SETX: variants seen among roughly 807,000 people sequenced by gnomAD.
SETX encodes senataxin.
Under a neutral mutation model 227.2 loss-of-function variants are expected in SETX, and 90 were observed. The ratio of observed to expected loss-of-function variants is 0.40; its 90% CI spans 0.33 to 0.47. SETX has a LOEUF of 0.47. SETX is among the 20% of genes least tolerant of loss of function. SETX has a pLI of 0.91. For missense variants in SETX, 3,052 were observed against 3,181.5 expected (o/e 0.96, Z 0.98); for synonymous variants, 1,210 against 1,113.2 (o/e 1.09, Z -1.73).
At chr9:132,347,417 A>T (rs1028083215) in intron 3 of SETX, among the ~76,000 whole-genome samples, 1 of 151,680 alleles carries the variant, frequency 6.6e-6, no homozygotes, top group Non-Finnish European at 1.5e-5. Context: ...GGTTCAAGCG[A>T]TTCTCCTGCC....
chr9:132,344,019 G>C (rs1848147521), intron 4 of SETX, among the ~76,000 whole-genome samples: 1 of 152,124 alleles, frequency 6.6e-6, no homozygotes, highest in African/African-American at 2.4e-5. Context: ...CACGTGCAGG[G>C]GTTTGGTTCC....
chr9:132,329,972 G>A lies in SETX; in HGVS notation c.1626C>T (p.Leu542=), dbSNP rs746541015. 5.8e-5 allele frequency: 93 copies of A among 1,614,150 alleles called. No homozygotes were observed. Among genetic ancestry groups the A allele is most frequent in the Middle Eastern group, 1.7e-4 (1 of 6,058 alleles). The change falls in exon 10 of 26, where the codon CTC becomes CTT. Residue 542 remains leucine (L), a synonymous_variant. Coordinates refer to ENST00000224140, the MANE Select transcript of SETX (RefSeq NM_015046.7). ...GCCCAAGCTGATAACCTTCTTTAAG[G>A]AGACTTCTAATCAGCTGCACATAAG... The part of the protein sequence containing the change: ...QLAYVQLIRS[L]LKEGYQLGQQ...
Position 132,308,814 on chromosome 9 carries a change from G to A in SETX, c.5374+2943C>T, listed in dbSNP as rs569014523. Among the ~76,000 whole-genome samples, 7 of 152,172 alleles carry A rather than the reference G, an allele frequency of 4.6e-5. No homozygotes were observed. In the South Asian group the frequency reaches 1.5e-3, roughly 32 times the overall value. ...TTTCCTCTAAAATTTATATGGAAAT[G>A]CAAAGGGCCAAGAATAGCCAAAGCA... is the stretch of plus-strand genomic sequence containing the variant. On this transcript the variant is annotated intron_variant, in intron 11 of 25. Coordinates refer to ENST00000224140, the MANE Select transcript of SETX (RefSeq NM_015046.7).
chr9:132,269,111 T>C (rs1842779520), intron 25 of SETX, among the ~76,000 whole-genome samples: 1 of 152,236 alleles, frequency 6.6e-6, no homozygotes, highest in South Asian at 2.1e-4. Flanking sequence ...TCTACTGAAG[T>C]TGGAAACTCG....
chr9:132,309,120 A>G (rs1845499803), intron 11 of SETX, among the ~76,000 whole-genome samples: 1 of 152,228 alleles, frequency 6.6e-6, no homozygotes, highest in Non-Finnish European at 1.5e-5. Context: ...TCTGGGCGAC[A>G]GAGCAAGATT....
At chr9:132,305,417 A>T (rs1056372393) in intron 11 of SETX, among the ~76,000 whole-genome samples, 188 of 151,606 alleles carry the variant, frequency 1.2e-3, no homozygotes, top group East Asian at 2.5e-3. Context: ...TTTAAAAAAA[A>T]TTTTTTTTTA....
chr9:132,331,628 C>A (rs1376673880), intron 7 of SETX, among the ~76,000 whole-genome samples, 180 bp from the exon 8 acceptor site: 1 of 151,644 alleles, frequency 6.6e-6, no homozygotes, highest in Non-Finnish European at 1.5e-5. Context: ...TCAAAAGCAG[C>A]CACATTTTCA....
At chr9:132,301,775 A>G (rs532644582) in intron 11 of SETX, among the ~76,000 whole-genome samples, 16 of 152,336 alleles carry the variant, frequency 1.1e-4, no homozygotes, top group East Asian at 7.7e-4. Context: ...GTGACATGTG[A>G]TTGTACATAC....
Position 132,311,832 on chromosome 9 carries a change from G to C in SETX, c.5299C>G (p.Pro1767Ala). 6.2e-7 allele frequency: 1 copy of C among 1,613,478 alleles called. No homozygotes were observed. The highest frequency in any genetic ancestry group is 1.3e-5 in the African/African-American group (1 of 75,008). The change falls in exon 11 of 26, where the codon CCA becomes GCA. Residue 1767 changes from proline (P) to alanine (A), a missense_variant. This residue lies in a region of SETX where 239 missense variants were observed against 272.1 expected (regional missense o/e 0.88). Coordinates refer to ENST00000224140, the MANE Select transcript of SETX (RefSeq NM_015046.7). ...ETVAQEWLNS[P>A]NRENFYQLQV... ...AACTGATAGAAATTCTCTCTATTTG[G>C]AGAGTTGAGCCATTCTTGTGCCACC...
intron 23 of SETX, 194 bp downstream of exon 23, chr9:132,275,062 T>G: frequency 1.7e-6 from 1 of 593,068 alleles, no homozygotes; most frequent in Non-Finnish European, 3.0e-6. Context: ...ACATTCCAAC[T>G]GCCAGGAAGT....
intron 10 of SETX, among the ~76,000 whole-genome samples, chr9:132,322,696 A>C (rs1358137277): frequency 3.3e-5 from 5 of 152,220 alleles, no homozygotes; most frequent in African/African-American, 1.2e-4. Context: ...TCCTGTTCTT[A>C]AATGTGAGTA....
intron 5 of SETX, among the ~76,000 whole-genome samples, chr9:132,336,725 G>C (rs1200051429): frequency 2.0e-5 from 3 of 152,172 alleles, no homozygotes; most frequent in Admixed American, 6.5e-5. Flanking sequence ...TTCAAACACT[G>C]ACTGGCAAGA....
At chr9:132,355,399 G>A (rs191719356), upstream of SETX, among the ~76,000 whole-genome samples, 4 of 152,364 alleles carry the variant, frequency 2.6e-5, no homozygotes, top group Non-Finnish European at 4.4e-5. Context: ...CGGTGACGAA[G>A]TAATTTTTCT....
At chr9:132,296,833 T>C in intron 14 of SETX, 54 bp downstream of exon 14, 1 of 1,530,280 alleles carries the variant, frequency 6.5e-7, no homozygotes, top group Non-Finnish European at 9.1e-7. Context: ...TTAACTCAAG[T>C]AAAGTAAAAT....
At position 132,330,149 on chromosome 9, in the gene SETX, C is replaced by G; in HGVS notation, c.1449G>C (p.Gln483His). The change falls in exon 10 of 26, where the codon CAG becomes CAC. Residue 483 changes from glutamine to histidine, a missense_variant. Transcript: ENST00000224140. ...KCLHLLWVSS[Q>H]QWVEAVVKCA... ...ATTTGACGACGGCTTCCACCCATTG[C>G]TGGGAACTTACCCACAGCAAATGCA... is the stretch of plus-strand genomic sequence containing the variant. 6.2e-7 allele frequency: 1 copy of G among 1,608,500 alleles called. No individual in the cohort carries two copies. Among genetic ancestry groups the G allele is most frequent in the Non-Finnish European group, 8.5e-7 (1 of 1,175,558 alleles).
Position 132,329,652 on chromosome 9 carries a change from G to C in SETX, c.1946C>G (p.Pro649Arg). 6.2e-7 allele frequency: 1 copy of C among 1,613,546 alleles called. No homozygotes were observed. Residue 649 changes from proline to arginine, a missense_variant, in exon 10 of 26, where the codon CCA becomes CGA. Coordinates refer to ENST00000224140, the MANE Select transcript of SETX (RefSeq NM_015046.7). ...CAATACACTGTCTTGCACTTTCATT[G>C]GTTCTTTAGAAAATGTTGGGCTGGA... ...EASSPTFSKE[P>R]MKVQDSVLIK...
At position 132,261,733 on chromosome 9, in the gene SETX, A is replaced by G. The variant is rs73545065; in HGVS notation, c.*2506T>C. 236 of 154,650 alleles carry G rather than the reference A, an allele frequency of 1.5e-3. 1 individual carries two copies. The highest frequency in any genetic ancestry group is 5.4e-3 in the African/African-American group (224 of 41,644). 9.6% of individuals were successfully genotyped at this position (154,650 alleles called of 1,614,324 possible). On this transcript the variant is annotated 3_prime_UTR_variant, in exon 26 of 26. Transcript: ENST00000224140. ...TCAAATTTACTCCTGATAATTCACA[A>G]AAACATACAACTCAACAAACTGTGC... is the stretch of plus-strand genomic sequence containing the variant.
chr9:132,277,477 T>C (rs938509087), intron 21 of SETX, among the ~76,000 whole-genome samples: 4 of 152,090 alleles, frequency 2.6e-5, no homozygotes, highest in Admixed American at 2.6e-4. Flanking sequence ...AAGATATGCA[T>C]AGTAAAAGGA....
At position 132,330,325 on chromosome 9, in the gene SETX, C is replaced by A. The variant is rs1428065074; in HGVS notation, c.1273G>T (p.Gly425Cys). ...VQSLMDLKDL[G>C]VAYIAQVVNH... ...ACAACCTGTGCTATGTAAGCCACAC[C>A]CAAATCCTTAAGATCCATGAGGGAC... The change falls in exon 10 of 26, where the codon GGT (glycine) becomes TGT (cysteine). Residue 425 changes from glycine to cysteine, a missense_variant. Coordinates refer to ENST00000224140, the MANE Select transcript of SETX (RefSeq NM_015046.7). 2 of 1,613,032 alleles carry A rather than the reference C, an allele frequency of 1.2e-6. No homozygotes were observed. Among genetic ancestry groups the A allele is most frequent in the East Asian group, 2.2e-5 (1 of 44,862 alleles).
Sources: gnomAD v4.1 joint callset for allele counts (sites outside exome capture counted in the v4.1 genomes callset) on GRCh38, gnomAD v4.1.1 for gene constraint, gnomAD v4.1.1 regional missense constraint, MANE v1.5 for transcripts, NCBI Gene and HGNC (gene_info 2026-07-23, HGNC 2026-07-21) for gene names.